CTNND2: variants seen among roughly 807,000 people sequenced by gnomAD.
CTNND2 encodes the protein catenin delta 2, also known as catenin delta-2.
A neutral mutation model predicts 144.4 loss-of-function variants in CTNND2; 22 were observed. The observed-to-expected ratio is 0.15, with a 90% confidence interval of 0.11 to 0.22. CTNND2 has a LOEUF of 0.22. Ranked by LOEUF, CTNND2 falls within the 10% of genes least tolerant of loss-of-function variation. CTNND2 has a pLI of 1.00. For missense variants in CTNND2, 1,353 were observed against 1,618.8 expected (o/e 0.84, Z 2.82); for synonymous variants, 751 against 695.6 (o/e 1.08, Z -1.25).
intron 12 of CTNND2, among the ~76,000 whole-genome samples, chr5:11,156,274 C>G (rs1758215719): frequency 6.6e-6 from 1 of 151,930 alleles, no homozygotes; most frequent in African/African-American, 2.4e-5. Flanking sequence ...TTATTTTTTT[C>G]CAAAAAATGA....
chr5:11,129,261 A>AT (rs1423477878), intron 12 of CTNND2, among the ~76,000 whole-genome samples: 2 of 49,870 alleles, frequency 4.0e-5, no homozygotes, highest in Non-Finnish European at 6.4e-5. Context: ...ATAAAAATAT[A>AT]AATATATAAA....
chr5:11,462,635 C>T (rs904730546), intron 3 of CTNND2, among the ~76,000 whole-genome samples: 1 of 151,346 alleles, frequency 6.6e-6, no homozygotes, highest in African/African-American at 2.4e-5. Flanking sequence ...AGCTAAAAAG[C>T]ACAAAAAATA....
At chr5:11,530,107 T>G (rs1014074735) in intron 3 of CTNND2, among the ~76,000 whole-genome samples, 1 of 150,112 alleles carries the variant, frequency 6.7e-6, no homozygotes, top group African/African-American at 2.5e-5. Flanking sequence ...TTCCTTTGAT[T>G]TTAACTCCAT....
At chr5:11,217,664 G>T (rs553793474) in intron 10 of CTNND2, among the ~76,000 whole-genome samples, 1 of 152,246 alleles carries the variant, frequency 6.6e-6, no homozygotes, top group East Asian at 1.9e-4. Flanking sequence ...AAATTTTCCA[G>T]GGTCTAACAG....
chr5:11,057,200 C>T (rs1161901701), intron 16 of CTNND2, among the ~76,000 whole-genome samples: 2 of 152,112 alleles, frequency 1.3e-5, no homozygotes, highest in Non-Finnish European at 2.9e-5. Context: ...AAGCAGGAAA[C>T]AAGAGAAAAC....
intron 2 of CTNND2, among the ~76,000 whole-genome samples, chr5:11,685,787 T>C (rs1449587207): frequency 4.6e-5 from 7 of 152,344 alleles, no homozygotes; most frequent in Non-Finnish European, 7.3e-5. Context: ...AGTAAACCTA[T>C]GTGAGAATTA....
intron 13 of CTNND2, 46 bp from the exon 14 acceptor site, chr5:11,111,089 C>T: frequency 6.4e-7 from 1 of 1,567,484 alleles, no homozygotes. Context: ...AAAACTAGCA[C>T]TCAGCACTCC....
chr5:11,672,765 G>A (rs1218617281), intron 2 of CTNND2, among the ~76,000 whole-genome samples: 1 of 152,144 alleles, frequency 6.6e-6, no homozygotes, highest in Non-Finnish European at 1.5e-5. Flanking sequence ...CTGGTCTGCA[G>A]GTTGTGAAGA....
chr5:11,169,198 C>T (rs888247657), intron 11 of CTNND2, among the ~76,000 whole-genome samples: 1 of 152,138 alleles, frequency 6.6e-6, no homozygotes, highest in Non-Finnish European at 1.5e-5. Flanking sequence ...CAGCCAAGGA[C>T]CTACAGCCTT....
At chr5:11,072,878 C>T (rs1269246581) in intron 16 of CTNND2, among the ~76,000 whole-genome samples, 1 of 152,222 alleles carries the variant, frequency 6.6e-6, no homozygotes, top group African/African-American at 2.4e-5. Flanking sequence ...TCCTGCTAGG[C>T]TGGCTGTCCC....
chr5:10,991,909 T>A (rs1377744917), intron 19 of CTNND2, among the ~76,000 whole-genome samples: 2 of 152,142 alleles, frequency 1.3e-5, no homozygotes, highest in Non-Finnish European at 2.9e-5. Flanking sequence ...TCAAACTATT[T>A]TTATTTTATT....
At position 11,397,058 on chromosome 5, in the gene CTNND2, G is replaced by T; in HGVS notation, c.585C>A (p.Ala195=). Residue 195 remains alanine, a synonymous_variant, in exon 6 of 22, where the codon GCC becomes GCA. Coordinates refer to ENST00000304623, the MANE Select transcript of CTNND2 (RefSeq NM_001332.4). ...GGCTGAAGCTCTGGCCCGTAGCTCG[G>T]GCTTGTGTGCCTCGGGCCGGGAGCT... is the stretch of plus-strand genomic sequence containing the variant. ...PSQLPARGTQ[A]RATGQSFSQG... 1.9e-6 allele frequency: 3 copies of T among 1,613,822 alleles called. No individual in the cohort carries two copies. Among genetic ancestry groups the T allele is most frequent in the Non-Finnish European group, 2.5e-6 (3 of 1,180,016 alleles).
intron 3 of CTNND2, among the ~76,000 whole-genome samples, chr5:11,484,021 A>G (rs1337129427): frequency 3.3e-4 from 50 of 152,200 alleles, no homozygotes; most frequent in Admixed American, 3.2e-3. Flanking sequence ...TAGAGGCACA[A>G]ATTTGTTGGC....
intron 3 of CTNND2, among the ~76,000 whole-genome samples, chr5:11,541,292 T>G (rs1190849585): frequency 6.6e-6 from 1 of 152,200 alleles, no homozygotes; most frequent in Non-Finnish European, 1.5e-5. Context: ...GAACCACTGG[T>G]GCAAAACACT....
At chr5:11,018,418 T>C (rs1205829636) in intron 17 of CTNND2, among the ~76,000 whole-genome samples, 6 of 152,172 alleles carry the variant, frequency 3.9e-5, no homozygotes, top group Non-Finnish European at 7.3e-5. Flanking sequence ...GCACGCCTCT[T>C]ACTTTAAATC....
intron 16 of CTNND2, among the ~76,000 whole-genome samples, chr5:11,065,943 C>A (rs1371394177): frequency 5.3e-5 from 8 of 152,152 alleles, no homozygotes; most frequent in Non-Finnish European, 1.2e-4. Flanking sequence ...GAGAGTCTAG[C>A]ACCCTTTAAA....
intron 9 of CTNND2, among the ~76,000 whole-genome samples, chr5:11,286,340 T>C (rs1180753104): frequency 1.3e-5 from 2 of 152,226 alleles, no homozygotes; most frequent in Non-Finnish European, 2.9e-5. Flanking sequence ...TGGTTTTCAC[T>C]TATGAACAAA....
At chr5:11,366,874 T>C (rs1398063815) in intron 7 of CTNND2, among the ~76,000 whole-genome samples, 2 of 152,204 alleles carry the variant, frequency 1.3e-5, no homozygotes, top group South Asian at 2.1e-4. Context: ...AAAAATCCTC[T>C]TATTACATGC....
At chr5:11,181,784 G>A (rs1318998389) in intron 11 of CTNND2, among the ~76,000 whole-genome samples, 1 of 148,828 alleles carries the variant, frequency 6.7e-6, no homozygotes, top group East Asian at 2.0e-4. Context: ...GTCTGTGTGT[G>A]TGTCTGTGTG....
Sources: allele counts gnomAD v4.1 joint callset (sites outside exome capture counted in the v4.1 genomes callset), GRCh38; gene constraint gnomAD v4.1.1; transcripts MANE v1.5; gene names NCBI Gene and HGNC (gene_info 2026-07-23, HGNC 2026-07-21).